CALN1: variants seen among roughly 807,000 people sequenced by gnomAD.
CALN1 encodes the protein calneuron 1.
CALN1 carries 17 observed loss-of-function variants against 30.6 expected under a neutral mutation model. The ratio of observed to expected loss-of-function variants is 0.56; its 90% confidence interval spans 0.38 to 0.83. The LOEUF is 0.83. CALN1 is among the 40% of genes least tolerant of loss of function. CALN1 has a pLI of 0.00. For missense variants in CALN1, 291 were observed against 354.9 expected (o/e 0.82, Z 1.45); for synonymous variants, 156 against 131.4 (o/e 1.19, Z -1.28).
intron 3 of CALN1, among the ~76,000 whole-genome samples, chr7:72,216,012 A>G (rs1336756155): frequency 3.3e-5 from 5 of 152,082 alleles, no homozygotes; most frequent in African/African-American, 4.8e-5. Context: ...AGGCCATTCA[A>G]TTTCACAGCC....
At chr7:72,241,787 C>T (rs999747758) in intron 3 of CALN1, among the ~76,000 whole-genome samples, 2 of 152,150 alleles carry the variant, frequency 1.3e-5, no homozygotes, top group Non-Finnish European at 2.9e-5. Flanking sequence ...CTCAGCCATG[C>T]CTCTTTAGTT....
At chr7:71,825,061 GTCCCC>G (rs1788831635) in intron 5 of CALN1, among the ~76,000 whole-genome samples, 1 of 152,082 alleles carries the variant, frequency 6.6e-6, no homozygotes, top group African/African-American at 2.4e-5. Context: ...TTCCTCCTTG[GTCCCC>G]ACAGCGCAAA....
chr7:72,278,885 A>G (rs1797543716), intron 2 of CALN1, 75 bp from the exon 3 acceptor site: 2 of 1,543,978 alleles, frequency 1.3e-6, no homozygotes, highest in African/African-American at 2.7e-5. Context: ...TTAAAGGACC[A>G]TCTGATTTTC....
At position 72,067,900 on chromosome 7, in the gene CALN1, C is replaced by A. The variant is rs187396068; in HGVS notation, c.388+38251G>T. Among the ~76,000 whole-genome samples the A allele has an allele frequency of 1.0e-3, 155 of 152,334 alleles. 1 individual carries two copies. The highest frequency in any genetic ancestry group is 3.9e-3 in the Admixed American group (59 of 15,308). The stretch of plus-strand genomic sequence containing the variant: ...GCAAGGAAAGTCAGCTGATTCTACA[C>A]GGCCTTGCAACTTTGCAGAATGTTT... On this transcript the variant is annotated intron_variant, in intron 4 of 6. Transcript: ENST00000395275.
intron 3 of CALN1, among the ~76,000 whole-genome samples, chr7:72,248,399 T>A (rs1289634367): frequency 6.6e-6 from 1 of 152,122 alleles, no homozygotes; most frequent in Non-Finnish European, 1.5e-5. Context: ...ACGCCCGGCC[T>A]CTTTGCCTTT....
the CALN1 span, among the ~76,000 whole-genome samples, chr7:72,476,778 G>T: frequency 6.6e-6 from 1 of 152,238 alleles, no homozygotes; most frequent in African/African-American, 2.4e-5. Context: ...ACTGTACAAG[G>T]TGCTGGAGGG....
chr7:72,184,959 TTTTTA>T (rs1458592178), intron 3 of CALN1, among the ~76,000 whole-genome samples: 25 of 151,902 alleles, frequency 1.6e-4, no homozygotes. Flanking sequence ...GCCCGGCTAA[TTTTTA>T]TTTTATTTTA....
intron 4 of CALN1, among the ~76,000 whole-genome samples, chr7:72,078,866 A>G (rs539885224): frequency 6.6e-6 from 1 of 152,116 alleles, no homozygotes; most frequent in East Asian, 1.9e-4. Flanking sequence ...AACCTGGGAG[A>G]TGGAGGTTGC....
intron 3 of CALN1, among the ~76,000 whole-genome samples, chr7:72,111,278 T>C (rs1466960665): frequency 6.6e-6 from 1 of 152,176 alleles, no homozygotes; most frequent in African/African-American, 2.4e-5. Flanking sequence ...GCAACACGCA[T>C]CGTCTGAAAG....
At chr7:71,917,155 CAGG>C (rs1238090584) in intron 5 of CALN1, among the ~76,000 whole-genome samples, 1 of 152,156 alleles carries the variant, frequency 6.6e-6, no homozygotes, top group African/African-American at 2.4e-5. Context: ...CTGCTTCTTC[CAGG>C]AGATTTCACT....
chr7:71,924,367 G>C (rs2129518840), intron 5 of CALN1, among the ~76,000 whole-genome samples: 1 of 151,872 alleles, frequency 6.6e-6, no homozygotes, highest in Non-Finnish European at 1.5e-5. Flanking sequence ...TATTTCCTTG[G>C]CGAGAGGTAT....
At chr7:71,816,445 A>C (rs551947607) in intron 5 of CALN1, among the ~76,000 whole-genome samples, 2 of 152,264 alleles carry the variant, frequency 1.3e-5, no homozygotes, top group South Asian at 2.1e-4. Context: ...TTTACAGATG[A>C]GAACACCAAG....
chr7:72,166,361 C>T (rs1788523295), intron 3 of CALN1, among the ~76,000 whole-genome samples: 1 of 152,088 alleles, frequency 6.6e-6, no homozygotes, highest in Non-Finnish European at 1.5e-5. Flanking sequence ...GCCATCATGC[C>T]TATCACGGTC....
chr7:72,303,104 C>T (rs547025622), intron 2 of CALN1, among the ~76,000 whole-genome samples: 2 of 151,420 alleles, frequency 1.3e-5, no homozygotes, highest in African/African-American at 4.8e-5. Flanking sequence ...AGGAATTTTA[C>T]AATTCATAGA....
At chr7:72,012,631 T>C (rs1052519515) in intron 5 of CALN1, among the ~76,000 whole-genome samples, 1 of 152,242 alleles carries the variant, frequency 6.6e-6, no homozygotes, top group African/African-American at 2.4e-5. Context: ...AAGGCTGGTA[T>C]GTGGAGAGCA....
At chr7:71,882,387 T>C (rs1393282695) in intron 5 of CALN1, among the ~76,000 whole-genome samples, 2 of 152,164 alleles carry the variant, frequency 1.3e-5, no homozygotes, top group East Asian at 1.9e-4. Flanking sequence ...AGGCCTTTAA[T>C]CACATCGGCA....
At chr7:71,961,401 C>G (rs1797240803) in intron 5 of CALN1, among the ~76,000 whole-genome samples, 1 of 152,178 alleles carries the variant, frequency 6.6e-6, no homozygotes, top group South Asian at 2.1e-4. Flanking sequence ...TTAATGTTAG[C>G]ACATGAGATC....
chr7:71,878,111 C>T (rs1278526291), intron 5 of CALN1, among the ~76,000 whole-genome samples: 5 of 151,940 alleles, frequency 3.3e-5, no homozygotes, highest in African/African-American at 7.3e-5. Flanking sequence ...ATAGTGTTGA[C>T]CAAAAAGAAG....
At chr7:72,355,060 C>T (rs1037358616) in intron 2 of CALN1, among the ~76,000 whole-genome samples, 2 of 152,140 alleles carry the variant, frequency 1.3e-5, no homozygotes, top group African/African-American at 2.4e-5. Flanking sequence ...AGGCTTGCGC[C>T]ACCATGCCCG....
Sources: gnomAD v4.1 joint callset for allele counts (sites outside exome capture counted in the v4.1 genomes callset) on GRCh38, gnomAD v4.1.1 for gene constraint, MANE v1.5 for transcripts, NCBI Gene and HGNC (gene_info 2026-07-23, HGNC 2026-07-21) for gene names.